The following RBM20 variants were observed in gnomAD, a reference collection of about 807,000 sequenced individuals.
RBM20 encodes the protein RNA binding motif protein 20.
In RBM20, 51 loss-of-function variants were observed where a neutral mutation model predicts 110.1. The ratio of observed to expected loss-of-function variants is 0.46; its 90% CI spans 0.37 to 0.59. The LOEUF (loss-of-function observed/expected upper bound fraction) is 0.59, where lower values mean the gene tolerates loss of function less well. RBM20 is among the 20% of genes least tolerant of loss of function. The pLI is 0.00. For synonymous variants in RBM20, 589 were observed against 618.2 expected (o/e 0.95, Z 0.70); for missense variants, 1,512 against 1,574.9 (o/e 0.96, Z 0.68).
chr10:110,812,121 T>C (rs2135103219), intron 8 of RBM20, among the ~76,000 whole-genome samples, 157 bp from the exon 9 acceptor site: 1 of 152,308 alleles, frequency 6.6e-6, no homozygotes, highest in South Asian at 2.1e-4. Context: ...AAAGGCTTTC[T>C]CCTGAACCAC....
chr10:110,722,527 A>G (rs1205433553), intron 1 of RBM20, among the ~76,000 whole-genome samples: 1 of 152,246 alleles, frequency 6.6e-6, no homozygotes. Context: ...ATAATATCCT[A>G]CAGAGTAGTT....
chr10:110,752,814 T>C (rs1193881135), intron 1 of RBM20, among the ~76,000 whole-genome samples: 1 of 151,616 alleles, frequency 6.6e-6, no homozygotes, highest in African/African-American at 2.4e-5. Flanking sequence ...CACCTTTGTG[T>C]AATTTCCTTG....
At chr10:110,680,379 C>T (rs1463083536) in intron 1 of RBM20, among the ~76,000 whole-genome samples, 1 of 152,188 alleles carries the variant, frequency 6.6e-6, no homozygotes, top group Non-Finnish European at 1.5e-5. Context: ...CCTCTTTCTT[C>T]TCCTGATGGC....
intron 8 of RBM20, 135 bp downstream of exon 8, chr10:110,810,597 C>T (rs904023085): frequency 1.7e-6 from 1 of 588,566 alleles, no homozygotes. Context: ...TTTTCTGGGT[C>T]CCACTTTTCC....
chr10:110,768,101 G>C (rs1041787436), intron 1 of RBM20, among the ~76,000 whole-genome samples: 3 of 152,246 alleles, frequency 2.0e-5, no homozygotes, highest in Non-Finnish European at 4.4e-5. Flanking sequence ...GTGGCGGCGC[G>C]CGCCTGCAAT....
At chr10:110,811,006 T>G (rs1252031295) in intron 8 of RBM20, among the ~76,000 whole-genome samples, 2 of 152,236 alleles carry the variant, frequency 1.3e-5, no homozygotes, top group Non-Finnish European at 2.9e-5. Context: ...TTCCAACCCA[T>G]TTCTTCCAAC....
At chr10:110,796,352 A>G (rs1844550562) in intron 5 of RBM20, among the ~76,000 whole-genome samples, 1 of 152,240 alleles carries the variant, frequency 6.6e-6, no homozygotes, top group Admixed American at 6.5e-5. Flanking sequence ...TTGTATACCC[A>G]TCACCCAATT....
intron 5 of RBM20, among the ~76,000 whole-genome samples, chr10:110,793,704 C>T (rs7918629): frequency 0.018 from 2,744 of 152,314 alleles, 88 homozygotes; most frequent in African/African-American, 0.062. Flanking sequence ...GGCTGAGACT[C>T]AGCTATTTGT....
At chr10:110,835,381 G>A (rs1168265426) in intron 13 of RBM20, 4 of 144,870 alleles carry the variant, frequency 2.8e-5, no homozygotes, top group Admixed American at 2.2e-4. Flanking sequence ...TGTTGCCCAG[G>A]CTGGATTGCA....
chr10:110,826,664 C>T (rs1277277472), intron 12 of RBM20, among the ~76,000 whole-genome samples: 2 of 151,692 alleles, frequency 1.3e-5, no homozygotes, highest in African/African-American at 2.4e-5. Context: ...CTCACTGCAA[C>T]CTCCACCTCC....
chr10:110,737,177 C>CAAA (rs550138775), intron 1 of RBM20, among the ~76,000 whole-genome samples: 330 of 26,612 alleles, frequency 0.012, 27 homozygotes, highest in African/African-American at 0.054. Context: ...AACTCTGCCT[C>CAAA]AAAAAAAAAA....
chr10:110,703,001 T>TG (rs1862782250), intron 1 of RBM20, among the ~76,000 whole-genome samples: 4 of 146,798 alleles, frequency 2.7e-5, no homozygotes, highest in African/African-American at 9.9e-5. Flanking sequence ...GTTTTTTTTT[T>TG]TGTTTTTTTT....
rs1340992281 is a variant in RBM20 at position 110,831,185 on chromosome 10, A to G, written c.3573+3A>G. On this transcript the variant is annotated splice_donor_region_variant and intron_variant, in intron 13 of 13. Coordinates refer to ENST00000369519, the MANE Select transcript of RBM20 (RefSeq NM_001134363.3). ...CTGTCCACTACAGGAACTTACAGGT[A>G]AAAATCCACTCTCCTTGCCCAGCAT... The G allele has an allele frequency of 1.3e-6, 2 of 1,550,674 alleles. No individual in the cohort carries two copies. The highest frequency in any genetic ancestry group is 1.7e-6 in the Non-Finnish European group (2 of 1,146,298).
intron 1 of RBM20, among the ~76,000 whole-genome samples, chr10:110,660,059 C>T (rs1862080646): frequency 2.0e-5 from 3 of 152,042 alleles, no homozygotes. Context: ...CTCAAGCGAT[C>T]ATTCTGCCTC....
intron 5 of RBM20, among the ~76,000 whole-genome samples, chr10:110,793,504 T>C (rs1243459094): frequency 6.6e-6 from 1 of 152,216 alleles, no homozygotes; most frequent in African/African-American, 2.4e-5. Context: ...TTAATTTAAT[T>C]GGGCAGCCCT....
At chr10:110,646,003 T>C (rs2134795934) in intron 1 of RBM20, among the ~76,000 whole-genome samples, 1 of 152,352 alleles carries the variant, frequency 6.6e-6, no homozygotes, top group Middle Eastern at 3.4e-3. Flanking sequence ...TATTCCTTAA[T>C]ATAAATGTAA....
Position 110,781,079 on chromosome 10 carries a change from C to T in RBM20, c.470C>T (p.Ala157Val). The T allele has an allele frequency of 6.4e-7, 1 of 1,551,964 alleles. No homozygotes were observed. Among genetic ancestry groups the T allele is most frequent in the East Asian group, 2.4e-5 (1 of 40,924 alleles). The change falls in exon 2 of 14, where the codon GCA becomes GTA. Residue 157 changes from alanine to valine, a missense_variant. By Grantham distance (64) the Ala-to-Val change is moderately conservative (BLOSUM62 0). This residue lies in a region of RBM20 where 1,149 missense variants were observed against 1,169.4 expected (regional missense o/e 0.98). Transcript: ENST00000369519. ...CATGCTGGGGTTCCCCAACATGCTG[C>T]AGCCATACCCAGTACCCGGTTTCCC... is the stretch of plus-strand genomic sequence containing the variant. ...HGHAGVPQHA[A>V]AIPSTRFPSN...
At chr10:110,643,325 CTG>C (rs1861814201), upstream of RBM20, among the ~76,000 whole-genome samples, 1 of 105,726 alleles carries the variant, frequency 9.5e-6, no homozygotes, top group African/African-American at 5.2e-5. Flanking sequence ...GTAGACATTT[CTG>C]TGTCAGGTGC....
chr10:110,733,254 A>G lies in RBM20; in HGVS notation c.192-47547A>G, dbSNP rs1429792933. ...TCCAGAGCTGGTTCATGGTGTCTCA[A>G]TTCAGTTCATCCCCGTCCCCAACCC... is the stretch of plus-strand genomic sequence containing the variant. On this transcript the variant is annotated intron_variant, in intron 1 of 13. Coordinates refer to ENST00000369519, the MANE Select transcript of RBM20 (RefSeq NM_001134363.3). Among the ~76,000 whole-genome samples the G allele has an allele frequency of 4.6e-5, 7 of 152,126 alleles. No individual in the cohort carries two copies. The East Asian group carries it at 7.7e-4, about 17-fold the overall frequency.
Sources: allele counts gnomAD v4.1 joint callset (sites outside exome capture counted in the v4.1 genomes callset), GRCh38; gene constraint gnomAD v4.1.1; regional missense constraint gnomAD v4.1.1; transcripts MANE v1.5; gene names NCBI Gene and HGNC (gene_info 2026-07-23, HGNC 2026-07-21).